CTNNA2: variants seen among roughly 807,000 people sequenced by gnomAD.
The protein encoded by CTNNA2 is catenin alpha-2.
A neutral mutation model predicts 101.0 loss-of-function variants in CTNNA2; 42 were observed. The ratio of observed to expected loss-of-function variants is 0.42; its 90% CI spans 0.32 to 0.54. The LOEUF (loss-of-function observed/expected upper bound fraction) is 0.54, where lower values mean the gene tolerates loss of function less well. Among genes scored for constraint, CTNNA2 ranks in the 20% least tolerant of loss-of-function variants. CTNNA2 has a pLI of 0.14. For missense variants in CTNNA2, 871 were observed against 1,223.1 expected (o/e 0.71, Z 4.29); for synonymous variants, 450 against 456.4 (o/e 0.99, Z 0.18).
In CTNNA2 at chr2:80,215,792, C is replaced by T. The variant is rs191803924; in HGVS notation, c.1057-177419C>T. On this transcript the variant is annotated intron_variant, in intron 7 of 18. Coordinates refer to ENST00000402739, the MANE Select transcript of CTNNA2 (RefSeq NM_001282597.3). Reference sequence around the variant, plus strand: ...GAACCACTACTCTCTTCAAAGATGTCAGACAGGGACATTTAAGTCTGCAGA... The same window carrying T: ...GAACCACTACTCTCTTCAAAGATGTTAGACAGGGACATTTAAGTCTGCAGA... Among the ~76,000 whole-genome samples the T allele has an allele frequency of 3.9e-4, 59 of 152,302 alleles. No homozygotes were observed. In the East Asian group the frequency reaches 5.2e-3, roughly 13 times the overall value.
intron 2 of CTNNA2, among the ~76,000 whole-genome samples, chr2:79,289,020 G>A (rs1439235925): frequency 6.6e-6 from 1 of 152,138 alleles, no homozygotes; most frequent in Non-Finnish European, 1.5e-5. Flanking sequence ...CAATTTGATT[G>A]CTTTTTGTTT....
At chr2:80,522,425 G>C (rs924176603) in intron 9 of CTNNA2, among the ~76,000 whole-genome samples, 56 of 152,204 alleles carry the variant, frequency 3.7e-4, no homozygotes, top group African/African-American at 1.3e-3. Flanking sequence ...TAATTAGAAT[G>C]TGTGTTGATA....
At chr2:79,245,220 G>T (rs2104262726) in intron 2 of CTNNA2, among the ~76,000 whole-genome samples, 1 of 152,326 alleles carries the variant, frequency 6.6e-6, no homozygotes, top group African/African-American at 2.4e-5. Context: ...GGAGGCAGAG[G>T]CGGGCAGATC....
At chr2:79,423,443 T>G (rs1270307143) in intron 4 of CTNNA2, among the ~76,000 whole-genome samples, 2 of 152,186 alleles carry the variant, frequency 1.3e-5, no homozygotes, top group African/African-American at 4.8e-5. Flanking sequence ...ATAAAATATT[T>G]GTTGTTTTAA....
intron 3 of CTNNA2, among the ~76,000 whole-genome samples, chr2:79,805,505 GATT>G (rs1676500919): frequency 6.6e-6 from 1 of 152,116 alleles, no homozygotes; most frequent in South Asian, 2.1e-4. Flanking sequence ...GAGCATTTCA[GATT>G]TCAGATTTAT....
At chr2:80,053,699 C>G (rs868707239) in intron 7 of CTNNA2, among the ~76,000 whole-genome samples, 2 of 152,202 alleles carry the variant, frequency 1.3e-5, no homozygotes, top group East Asian at 3.9e-4. Flanking sequence ...TGAAATTCCA[C>G]ACTTACAACC....
chr2:80,063,602 A>G (rs181132043), intron 7 of CTNNA2, among the ~76,000 whole-genome samples: 5 of 152,376 alleles, frequency 3.3e-5, no homozygotes, highest in Admixed American at 2.6e-4. Context: ...CCTGGAAGGC[A>G]TCAGAGGAGT....
chr2:79,269,445 C>T (rs963958755), intron 2 of CTNNA2, among the ~76,000 whole-genome samples: 3 of 152,060 alleles, frequency 2.0e-5, no homozygotes, highest in African/African-American at 7.2e-5. Flanking sequence ...AGTGGGTCAC[C>T]TGGGGTAATA....
chr2:79,686,781 TG>T (rs923595194), intron 2 of CTNNA2, among the ~76,000 whole-genome samples: 10 of 152,110 alleles, frequency 6.6e-5, no homozygotes, highest in African/African-American at 2.4e-4. Flanking sequence ...CTGTACAGTG[TG>T]TTCCTGATGA....
intron 7 of CTNNA2, among the ~76,000 whole-genome samples, chr2:80,307,376 G>A (rs1402364802): frequency 1.3e-5 from 2 of 151,906 alleles, no homozygotes; most frequent in African/African-American, 4.8e-5. Context: ...AAGTTGAATC[G>A]AGAAACGACA....
intron 7 of CTNNA2, among the ~76,000 whole-genome samples, chr2:80,150,551 A>G (rs1424757814): frequency 6.6e-6 from 1 of 152,134 alleles, no homozygotes; most frequent in Non-Finnish European, 1.5e-5. Context: ...CCTGTTTTTC[A>G]TGTTTTCAAT....
chr2:80,577,630 C>T (rs1695167735), intron 13 of CTNNA2, among the ~76,000 whole-genome samples: 2 of 139,740 alleles, frequency 1.4e-5, no homozygotes, highest in Admixed American at 1.4e-4. Context: ...CCAGAATAAT[C>T]CAGGCCAGGC....
intron 7 of CTNNA2, among the ~76,000 whole-genome samples, chr2:80,059,219 T>C (rs1249361956): frequency 1.3e-5 from 2 of 152,218 alleles, no homozygotes; most frequent in Middle Eastern, 3.4e-3. Flanking sequence ...TGTAGTTCAG[T>C]TGCCCCGGCT....
chr2:79,933,263 T>C (rs909130479), intron 7 of CTNNA2, among the ~76,000 whole-genome samples: 1 of 152,140 alleles, frequency 6.6e-6, no homozygotes, highest in African/African-American at 2.4e-5. Flanking sequence ...AGGAAGCTTA[T>C]ATTTATTGGA....
At chr2:79,800,611 A>T (rs545634186) in intron 3 of CTNNA2, among the ~76,000 whole-genome samples, 1 of 152,290 alleles carries the variant, frequency 6.6e-6, no homozygotes, top group East Asian at 1.9e-4. Context: ...GATCACGTCC[A>T]CCTGCAGAAG....
chr2:79,997,317 AAG>A (rs1232282227), intron 7 of CTNNA2, among the ~76,000 whole-genome samples: 1 of 151,870 alleles, frequency 6.6e-6, no homozygotes, highest in Non-Finnish European at 1.5e-5. Context: ...AGGAGAAAAA[AAG>A]AGAGGGAGGG....
At chr2:79,774,634 G>T (rs1201009875) in intron 3 of CTNNA2, among the ~76,000 whole-genome samples, 1 of 152,128 alleles carries the variant, frequency 6.6e-6, no homozygotes, top group Non-Finnish European at 1.5e-5. Flanking sequence ...TGAGAAGAAG[G>T]CATGGTTATA....
At chr2:80,442,507 C>G (rs1682682364) in intron 9 of CTNNA2, among the ~76,000 whole-genome samples, 1 of 152,196 alleles carries the variant, frequency 6.6e-6, no homozygotes, top group Non-Finnish European at 1.5e-5. Flanking sequence ...GAACCTGGCT[C>G]CATCTTGCTT....
chr2:79,651,784 T>C, intron 2 of CTNNA2, 126 bp downstream of exon 2: 1 of 769,108 alleles, frequency 1.3e-6, no homozygotes, highest in East Asian at 2.7e-5. Context: ...TTACTGAATA[T>C]ATATTACTGC....
Sources: allele counts gnomAD v4.1 joint callset (sites outside exome capture counted in the v4.1 genomes callset), GRCh38; gene constraint gnomAD v4.1.1; transcripts MANE v1.5; gene names NCBI Gene and HGNC (gene_info 2026-07-23, HGNC 2026-07-21).